Variants in FBN1 observed in about 807,000 individuals in gnomAD.
The protein encoded by FBN1 is fibrillin 1.
In FBN1, 29 loss-of-function variants were observed where a neutral mutation model predicts 365.1. The observed-to-expected ratio is 0.08, with a 90% CI of 0.06 to 0.11. The LOEUF (loss-of-function observed/expected upper bound fraction) is 0.11, where lower values mean the gene tolerates loss of function less well. Ranked by LOEUF, FBN1 falls within the 10% of genes least tolerant of loss-of-function variation. The pLI is 1.00. For synonymous variants in FBN1, 1,210 were observed against 1,270.5 expected (o/e 0.95, Z 1.01); for missense variants, 2,476 against 3,703.2 (o/e 0.67, Z 8.60).
At chr15:48,634,242 CAT>C (rs1256328634) in intron 2 of FBN1, among the ~76,000 whole-genome samples, 5 of 152,166 alleles carry the variant, frequency 3.3e-5, no homozygotes, top group African/African-American at 1.2e-4. Flanking sequence ...TACATAGTAC[CAT>C]ATACACAGGT....
intron 6 of FBN1, among the ~76,000 whole-genome samples, chr15:48,539,151 CA>C (rs2044036846): frequency 6.6e-6 from 1 of 152,154 alleles, no homozygotes; most frequent in African/African-American, 2.4e-5. Context: ...ATCTCCACTC[CA>C]ACCCCTCCCT....
chr15:48,626,451 C>T (rs182924201), intron 2 of FBN1, among the ~76,000 whole-genome samples: 1 of 152,224 alleles, frequency 6.6e-6, no homozygotes, highest in Non-Finnish European at 1.5e-5. Context: ...TTTATAGCTA[C>T]AAAAGCTTCA....
At chr15:48,476,427 A>G (rs2043418580) in intron 32 of FBN1, among the ~76,000 whole-genome samples, 1 of 152,100 alleles carries the variant, frequency 6.6e-6, no homozygotes, top group Non-Finnish European at 1.5e-5. Flanking sequence ...TTCTAAGTGG[A>G]AAGAACTCGT....
chr15:48,530,573 T>C (rs577714580), intron 8 of FBN1, among the ~76,000 whole-genome samples: 84 of 151,576 alleles, frequency 5.5e-4, no homozygotes, highest in African/African-American at 1.9e-3. Flanking sequence ...TTTTTTTTTT[T>C]CAACTAATTG....
At chr15:48,501,777 G>C (rs1244910531) in intron 17 of FBN1, among the ~76,000 whole-genome samples, 3 of 152,088 alleles carry the variant, frequency 2.0e-5, no homozygotes, top group Non-Finnish European at 4.4e-5. Flanking sequence ...TGTCTGTATT[G>C]CAAATTCAAA....
At chr15:48,586,040 T>C (rs1053244403) in intron 6 of FBN1, among the ~76,000 whole-genome samples, 2 of 152,180 alleles carry the variant, frequency 1.3e-5, no homozygotes, top group African/African-American at 4.8e-5. Flanking sequence ...AAAAAAAGTT[T>C]TTTGACAAGG....
chr15:48,591,706 T>G (rs896319300), intron 6 of FBN1, among the ~76,000 whole-genome samples: 4 of 152,204 alleles, frequency 2.6e-5, no homozygotes, highest in Admixed American at 2.6e-4. Context: ...AGAAAAGTCT[T>G]TAGAGTTATG....
At chr15:48,581,849 A>T (rs375737201) in intron 6 of FBN1, among the ~76,000 whole-genome samples, 3 of 152,226 alleles carry the variant, frequency 2.0e-5, no homozygotes, top group African/African-American at 4.8e-5. Flanking sequence ...GATGCCCCAT[A>T]GTCTGGGCTG....
intron 45 of FBN1, among the ~76,000 whole-genome samples, chr15:48,451,645 A>G (rs1350861291): frequency 1.3e-5 from 2 of 152,202 alleles, no homozygotes; most frequent in East Asian, 3.8e-4. Flanking sequence ...TGCATAAAAT[A>G]TCCAGGAAAC....
At chr15:48,578,972 A>G (rs1175091523) in intron 6 of FBN1, among the ~76,000 whole-genome samples, 3 of 149,746 alleles carry the variant, frequency 2.0e-5, no homozygotes, top group Non-Finnish European at 4.4e-5. Flanking sequence ...TAACCTGCAC[A>G]ATGTGCACAT....
chr15:48,437,132 T>C (rs2043079269), intron 52 of FBN1, 55 bp from the exon 53 acceptor site: 7 of 1,289,280 alleles, frequency 5.4e-6, no homozygotes, highest in South Asian at 2.4e-5. Context: ...AACGTGAAGA[T>C]AAATTATGAT....
chr15:48,575,176 G>T (rs957639051), intron 6 of FBN1, among the ~76,000 whole-genome samples: 1 of 152,152 alleles, frequency 6.6e-6, no homozygotes, highest in African/African-American at 2.4e-5. Context: ...AACAAAATGA[G>T]GATGAAAGAG....
chr15:48,424,192 T>C (rs1169824251), intron 60 of FBN1, among the ~76,000 whole-genome samples: 2 of 152,250 alleles, frequency 1.3e-5, no homozygotes, highest in African/African-American at 2.4e-5. Context: ...TCATTTAAGA[T>C]GTTTAGAATG....
rs553765612 is a variant in FBN1, at chr15:48,466,442, T to C, written c.4748-584A>G. Among the ~76,000 whole-genome samples, 16 of 152,360 alleles carry C rather than the reference T, an allele frequency of 1.1e-4. No homozygotes were observed. The East Asian group carries it at 2.7e-3, about 26-fold the overall frequency. ...CTATAGTGTCCTTGGGTTTCCCCCATTAATTCTTTCATCCAAGTATTTTAC... is the reference window on the plus strand; with the variant it reads ...CTATAGTGTCCTTGGGTTTCCCCCACTAATTCTTTCATCCAAGTATTTTAC... On this transcript the variant is annotated intron_variant, in intron 38 of 65. Transcript: ENST00000316623.
chr15:48,464,343 T>G (rs1296830055), intron 40 of FBN1, among the ~76,000 whole-genome samples: 1 of 152,046 alleles, frequency 6.6e-6, no homozygotes, highest in Non-Finnish European at 1.5e-5. Flanking sequence ...AAACCCCATC[T>G]CTACTAAAAA....
At chr15:48,429,500 G>A (rs1186856065) in intron 56 of FBN1, among the ~76,000 whole-genome samples, 2 of 152,210 alleles carry the variant, frequency 1.3e-5, no homozygotes. Flanking sequence ...GAATAGTTCA[G>A]GGTCCCTCAG....
intron 2 of FBN1, among the ~76,000 whole-genome samples, chr15:48,616,795 A>T (rs1315874986): frequency 6.6e-6 from 1 of 152,244 alleles, no homozygotes; most frequent in Non-Finnish European, 1.5e-5. Flanking sequence ...CAAATTTTAA[A>T]AAATTAAAAT....
At chr15:48,439,013 A>G (rs761422647) in intron 50 of FBN1, among the ~76,000 whole-genome samples, 2 of 152,020 alleles carry the variant, frequency 1.3e-5, no homozygotes, top group Non-Finnish European at 2.9e-5. Context: ...ATTCACTTCC[A>G]TCACTGTTTT....
chr15:48,592,454 T>C (rs2044484829), intron 6 of FBN1, among the ~76,000 whole-genome samples: 1 of 152,182 alleles, frequency 6.6e-6, no homozygotes, highest in Admixed American at 6.5e-5. Flanking sequence ...GCAGTAACTA[T>C]GGCAATATAC....
Sources: allele counts gnomAD v4.1 joint callset (sites outside exome capture counted in the v4.1 genomes callset), GRCh38; gene constraint gnomAD v4.1.1; transcripts MANE v1.5; gene names NCBI Gene and HGNC (gene_info 2026-07-23, HGNC 2026-07-21).